PRMT3: variants seen among roughly 807,000 people sequenced by gnomAD.
PRMT3 encodes the protein protein arginine N-methyltransferase 3.
In PRMT3, 62 loss-of-function variants were observed where a neutral mutation model predicts 71.9. The ratio of observed to expected loss-of-function variants is 0.86; its 90% confidence interval spans 0.70 to 1.07. The LOEUF (loss-of-function observed/expected upper bound fraction) is 1.07, where lower values mean the gene tolerates loss of function less well. Ranked by LOEUF, PRMT3 falls within the 50% of genes least tolerant of loss-of-function variation. The probability of loss-of-function intolerance (pLI) is 0.00; values close to 1 mark genes in which losing one functional copy is unlikely to be tolerated. For missense variants in PRMT3, 663 were observed against 643.0 expected, an observed-to-expected ratio of 1.03 and a Z score of -0.34; for synonymous variants, 213 against 220.4, an observed-to-expected ratio of 0.97 and a Z score of 0.30.
At chr11:20,464,125 C>A (rs1303566664) in intron 12 of PRMT3, among the ~76,000 whole-genome samples, 1 of 152,108 alleles carries the variant, frequency 6.6e-6, no homozygotes, top group Non-Finnish European at 1.5e-5. Flanking sequence ...AGGTGAAACA[C>A]AGGAAAACAT....
chr11:20,490,770 A>T (rs1055288543), intron 13 of PRMT3, among the ~76,000 whole-genome samples: 1 of 151,764 alleles, frequency 6.6e-6, no homozygotes, highest in African/African-American at 2.4e-5. Context: ...TACACTAAAA[A>T]TTTTGAAAAC....
At position 20,413,418 on chromosome 11, in the gene PRMT3, C is replaced by G. The variant is rs115668711; in HGVS notation, c.893+5386C>G. The stretch of plus-strand genomic sequence containing the variant: ...GTTCTAATTTTTCTTTCACTACAAC[C>G]CCTTTAAGCCCTGATTTCTTCATTT... On this transcript the variant is annotated intron_variant, in intron 9 of 15. Transcript: ENST00000331079. Among the ~76,000 whole-genome samples the G allele has an allele frequency of 6.6e-3, 1,005 of 152,198 alleles. 7 individuals are homozygous for G. Among genetic ancestry groups the G allele is most frequent in the African/African-American group, 0.023 (949 of 41,528 alleles).
At chr11:20,441,762 A>G (rs997379916) in intron 10 of PRMT3, among the ~76,000 whole-genome samples, 1 of 149,412 alleles carries the variant, frequency 6.7e-6, no homozygotes, top group African/African-American at 2.5e-5. Flanking sequence ...TTGCTTTATC[A>G]TATAACCTAC....
chr11:20,502,792 C>G (rs1851488938), intron 15 of PRMT3, among the ~76,000 whole-genome samples: 1 of 152,046 alleles, frequency 6.6e-6, no homozygotes. Context: ...ACCATCAGAA[C>G]AAATGTACAA....
At chr11:20,416,250 G>A (rs116588414) in intron 9 of PRMT3, among the ~76,000 whole-genome samples, 5,702 of 152,196 alleles carry the variant, frequency 0.037, 244 homozygotes, top group Admixed American at 0.12. Context: ...TAAAGAGGAA[G>A]AAGGGGTGGG....
intron 13 of PRMT3, among the ~76,000 whole-genome samples, chr11:20,480,488 G>GTGCT (rs1207416971): frequency 6.6e-6 from 1 of 152,188 alleles, no homozygotes; most frequent in African/African-American, 2.4e-5. Flanking sequence ...GTAGATCATA[G>GTGCT]TGCTAAGAGA....
At chr11:20,494,102 A>G in intron 14 of PRMT3, 65 bp from the exon 15 acceptor site, 1 of 1,495,098 alleles carries the variant, frequency 6.7e-7, no homozygotes, top group Non-Finnish European at 9.3e-7. Flanking sequence ...GATGTCGTAG[A>G]TTAATGTACC....
chr11:20,466,170 G>A (rs758652980), intron 13 of PRMT3, among the ~76,000 whole-genome samples: 12 of 151,988 alleles, frequency 7.9e-5, no homozygotes, highest in South Asian at 4.2e-4. Context: ...CTTAGTTTTC[G>A]ACAACAGAAT....
intron 15 of PRMT3, among the ~76,000 whole-genome samples, chr11:20,506,232 A>T (rs1348402): frequency 0.82 from 125,442 of 152,128 alleles, 53,441 homozygotes; most frequent in Non-Finnish European, 0.95. Context: ...CTAATGATTA[A>T]CCTGAACTCC....
At chr11:20,394,942 G>C (rs2133300793) in intron 5 of PRMT3, among the ~76,000 whole-genome samples, 1 of 152,246 alleles carries the variant, frequency 6.6e-6, no homozygotes. Flanking sequence ...GCTACAATAA[G>C]GACATGGGCT....
chr11:20,470,955 T>C (rs1017520000), intron 13 of PRMT3, among the ~76,000 whole-genome samples: 5 of 152,204 alleles, frequency 3.3e-5, no homozygotes, highest in Non-Finnish European at 7.3e-5. Flanking sequence ...GGTATTTCCT[T>C]GTGGTTTTGA....
chr11:20,419,458 C>A (rs559504370), intron 9 of PRMT3, among the ~76,000 whole-genome samples: 9 of 152,326 alleles, frequency 5.9e-5, no homozygotes, highest in African/African-American at 2.2e-4. Context: ...TTTGCCTTTT[C>A]ACCCTCTTTG....
intron 13 of PRMT3, among the ~76,000 whole-genome samples, chr11:20,482,415 A>G (rs1236296095): frequency 1.3e-5 from 2 of 152,106 alleles, no homozygotes; most frequent in Admixed American, 6.6e-5. Flanking sequence ...TTGAAGGACA[A>G]TAAATTCTGA....
chr11:20,484,798 A>T (rs1041832539), intron 13 of PRMT3, among the ~76,000 whole-genome samples: 3 of 152,240 alleles, frequency 2.0e-5, no homozygotes, highest in African/African-American at 7.2e-5. Context: ...AAGCCACATA[A>T]AATGGAGAAA....
intron 10 of PRMT3, among the ~76,000 whole-genome samples, chr11:20,445,654 T>C (rs180799753): frequency 6.6e-6 from 1 of 152,010 alleles, no homozygotes; most frequent in African/African-American, 2.4e-5. Flanking sequence ...AAAGAAGACA[T>C]CCAAATATCA....
chr11:20,453,520 C>A (rs1159836265), intron 11 of PRMT3, among the ~76,000 whole-genome samples: 1 of 150,720 alleles, frequency 6.6e-6, no homozygotes, highest in Admixed American at 6.6e-5. Context: ...AACATAAATA[C>A]AGAGAAAATT....
intron 13 of PRMT3, among the ~76,000 whole-genome samples, chr11:20,482,431 T>C (rs981372175): frequency 6.6e-6 from 1 of 152,046 alleles, no homozygotes; most frequent in Non-Finnish European, 1.5e-5. Context: ...TCTGAGAAAT[T>C]AGCAGGACTA....
intron 15 of PRMT3, among the ~76,000 whole-genome samples, chr11:20,504,743 AGAGC>A (rs1313140278): frequency 2.1e-4 from 30 of 145,700 alleles, no homozygotes; most frequent in Non-Finnish European, 2.9e-4. Flanking sequence ...AGAGAGAGAG[AGAGC>A]GAGAGCGACT....
At chr11:20,433,502 T>G (rs1368345338) in intron 10 of PRMT3, among the ~76,000 whole-genome samples, 2 of 152,194 alleles carry the variant, frequency 1.3e-5, no homozygotes, top group Non-Finnish European at 2.9e-5. Flanking sequence ...TTTGTTATTG[T>G]GAATAATGCT....
Sources: gnomAD v4.1 joint callset for allele counts (sites outside exome capture counted in the v4.1 genomes callset) on GRCh38, gnomAD v4.1.1 for gene constraint, MANE v1.5 for transcripts, NCBI Gene and HGNC (gene_info 2026-07-23, HGNC 2026-07-21) for gene names.